Variants in LDLRAD3 observed in about 807,000 individuals in gnomAD.
LDLRAD3 encodes the protein low density lipoprotein receptor class A domain containing 3.
A neutral mutation model predicts 29.4 loss-of-function variants in LDLRAD3; 20 were observed. That is an observed-to-expected ratio of 0.68 (90% CI 0.48 to 0.99). LDLRAD3 has a LOEUF of 0.99. Among genes scored for constraint, LDLRAD3 ranks in the 50% least tolerant of loss-of-function variants. The probability of loss-of-function intolerance (pLI) is 0.00; values close to 1 mark genes in which losing one functional copy is unlikely to be tolerated. For synonymous variants in LDLRAD3, 157 were observed against 192.7 expected, an observed-to-expected ratio of 0.81 and a Z score of 1.53; for missense variants, 420 against 454.3, an observed-to-expected ratio of 0.92 and a Z score of 0.69.
intron 1 of LDLRAD3, among the ~76,000 whole-genome samples, chr11:36,033,220 C>T (rs1307319213): frequency 6.6e-6 from 1 of 152,180 alleles, no homozygotes; most frequent in Non-Finnish European, 1.5e-5. Flanking sequence ...AAGCACACGG[C>T]TGTGCACCAG....
intron 4 of LDLRAD3, among the ~76,000 whole-genome samples, chr11:36,159,488 G>A (rs1242446484): frequency 6.6e-6 from 1 of 150,436 alleles, no homozygotes; most frequent in Non-Finnish European, 1.5e-5. Flanking sequence ...AAAGGAGCCA[G>A]ATGCGGTGGC....
chr11:35,962,678 CTGTT>C (rs1473890344), intron 1 of LDLRAD3, among the ~76,000 whole-genome samples: 1 of 152,164 alleles, frequency 6.6e-6, no homozygotes, highest in Non-Finnish European at 1.5e-5. Context: ...GACACACTGA[CTGTT>C]CCCTTTCCTG....
At chr11:36,128,643 C>G (rs115015567) in intron 4 of LDLRAD3, among the ~76,000 whole-genome samples, 3,394 of 152,116 alleles carry the variant, frequency 0.022, 123 homozygotes, top group African/African-American at 0.078. Flanking sequence ...GAGGTCGGGA[C>G]TTCAAGACCA....
chr11:36,209,353 CTTTT>C (rs71044560), intron 4 of LDLRAD3, among the ~76,000 whole-genome samples: 3 of 68,598 alleles, frequency 4.4e-5, no homozygotes, highest in African/African-American at 5.8e-5. Flanking sequence ...AGAAACTGTA[CTTTT>C]TTTTTTTTTT....
intron 4 of LDLRAD3, among the ~76,000 whole-genome samples, chr11:36,138,256 G>A (rs972249522): frequency 2.0e-5 from 3 of 152,242 alleles, no homozygotes; most frequent in African/African-American, 7.2e-5. Flanking sequence ...AAGTAAATGG[G>A]ATTGCTAATA....
chr11:36,027,512 T>C (rs1259377387), intron 1 of LDLRAD3, among the ~76,000 whole-genome samples: 2 of 152,256 alleles, frequency 1.3e-5, no homozygotes, highest in African/African-American at 4.8e-5. Context: ...TCTTCTCCTT[T>C]GTGGCCTCTC....
In LDLRAD3 at chr11:36,156,436, G is replaced by A. The variant is rs114366898; in HGVS notation, c.454+57975G>A. 4.2e-3 allele frequency among the ~76,000 whole-genome samples: 645 copies of A among 152,346 alleles called. 6 individuals carry two copies. The highest frequency in any genetic ancestry group is 0.015 in the African/African-American group (624 of 41,584). On this transcript the variant is annotated intron_variant, in intron 4 of 5. Coordinates refer to ENST00000315571, the MANE Select transcript of LDLRAD3 (RefSeq NM_174902.4). ...GGATGGGGCAGTACAGGGCCACTTG[G>A]ATCAGGTCCACCCATTTGCCATTGT...
At chr11:36,167,960 G>T (rs1854539328) in intron 4 of LDLRAD3, among the ~76,000 whole-genome samples, 1 of 152,186 alleles carries the variant, frequency 6.6e-6, no homozygotes. Context: ...GAGAAGTTCA[G>T]AGTCACTGTG....
intron 1 of LDLRAD3, among the ~76,000 whole-genome samples, chr11:36,014,878 A>G (rs1852001196): frequency 6.6e-6 from 1 of 152,266 alleles, no homozygotes; most frequent in Non-Finnish European, 1.5e-5. Flanking sequence ...AAAGACAAAT[A>G]AAAAATGTTT....
intron 4 of LDLRAD3, among the ~76,000 whole-genome samples, chr11:36,133,524 C>T (rs1291492825): frequency 1.3e-5 from 2 of 150,338 alleles, no homozygotes; most frequent in South Asian, 2.1e-4. Flanking sequence ...ATGCCCAGCC[C>T]AAGTCCGTTT....
At chr11:36,087,336 T>C (rs1853210997) in intron 3 of LDLRAD3, among the ~76,000 whole-genome samples, 4 of 152,202 alleles carry the variant, frequency 2.6e-5, no homozygotes, top group Admixed American at 2.0e-4. Context: ...AGAATGATAT[T>C]GTGTCTATTT....
At chr11:36,153,130 G>C (rs1003344737) in intron 4 of LDLRAD3, among the ~76,000 whole-genome samples, 1 of 151,982 alleles carries the variant, frequency 6.6e-6, no homozygotes, top group Non-Finnish European at 1.5e-5. Flanking sequence ...ACACTTAATG[G>C]CTTCGGGTTC....
chr11:36,098,061 G>GC (rs1565220597), intron 3 of LDLRAD3, among the ~76,000 whole-genome samples: 1 of 152,210 alleles, frequency 6.6e-6, no homozygotes, highest in East Asian at 1.9e-4. Flanking sequence ...GTGTTGAAAG[G>GC]CATCAATATT....
At chr11:36,054,885 CTGGATGGATGGATGAA>C (rs1453907320) in intron 2 of LDLRAD3, among the ~76,000 whole-genome samples, 12 of 57,234 alleles carry the variant, frequency 2.1e-4, no homozygotes, top group Non-Finnish European at 2.7e-4. Flanking sequence ...GGATGGATGC[CTGGATGGATGGATGAA>C]TGGATGGATG....
chr11:36,106,634 T>C (rs1020994375), intron 4 of LDLRAD3, among the ~76,000 whole-genome samples: 33 of 152,328 alleles, frequency 2.2e-4, no homozygotes, highest in African/African-American at 7.9e-4. Context: ...GGCTTTTGTG[T>C]CCTGCATCCG....
chr11:35,992,032 A>G (rs1590711353), intron 1 of LDLRAD3, among the ~76,000 whole-genome samples: 1 of 152,104 alleles, frequency 6.6e-6, no homozygotes, highest in African/African-American at 2.4e-5. Context: ...AAGGAAATTT[A>G]TTCATCACTG....
intron 4 of LDLRAD3, among the ~76,000 whole-genome samples, chr11:36,140,120 T>C (rs1165074645): frequency 6.6e-6 from 1 of 152,222 alleles, no homozygotes; most frequent in Non-Finnish European, 1.5e-5. Context: ...TTGTTTTGTC[T>C]TGGAAAGCTG....
chr11:36,228,651 A>G (rs1377838425), intron 5 of LDLRAD3, among the ~76,000 whole-genome samples: 1 of 152,228 alleles, frequency 6.6e-6, no homozygotes, highest in Non-Finnish European at 1.5e-5. Flanking sequence ...AGAAAATAAA[A>G]TGTCTTTTCT....
intron 4 of LDLRAD3, among the ~76,000 whole-genome samples, chr11:36,159,625 A>AAAAAAAAAAAAT (rs756902228): frequency 2.3e-4 from 30 of 132,932 alleles, no homozygotes; most frequent in Non-Finnish European, 3.7e-4. Context: ...AAAAAAAAAA[A>AAAAAAAAAAAAT]AGCCAGATGT....
Sources: gnomAD v4.1 joint callset for allele counts (sites outside exome capture counted in the v4.1 genomes callset) on GRCh38, gnomAD v4.1.1 for gene constraint, MANE v1.5 for transcripts, NCBI Gene and HGNC (gene_info 2026-07-23, HGNC 2026-07-21) for gene names.